The following UNC13C variants were observed in gnomAD, a reference collection of about 807,000 sequenced individuals.
UNC13C encodes protein unc-13 homolog C.
A neutral mutation model predicts 245.4 loss-of-function variants in UNC13C; 174 were observed. That is an observed-to-expected ratio of 0.71 (90% CI 0.63 to 0.80). The LOEUF is 0.80. UNC13C is among the 30% of genes least tolerant of loss of function. UNC13C has a pLI of 0.00. For synonymous variants in UNC13C, 992 were observed against 895.1 expected (o/e 1.11, Z -1.93); for missense variants, 2,829 against 2,602.9 (o/e 1.09, Z -1.89).
chr15:54,395,505 C>A (rs1021908302), intron 18 of UNC13C, among the ~76,000 whole-genome samples: 1 of 151,860 alleles, frequency 6.6e-6, no homozygotes, highest in Non-Finnish European at 1.5e-5. Flanking sequence ...TATTAATAAA[C>A]GATCCCTGTT....
chr15:54,153,116 T>C (rs942725681), intron 4 of UNC13C, among the ~76,000 whole-genome samples: 1 of 152,146 alleles, frequency 6.6e-6, no homozygotes, highest in Non-Finnish European at 1.5e-5. Flanking sequence ...GCTTAATCCA[T>C]ATACTTTCTT....
At chr15:54,196,419 G>A (rs1272539305) in intron 4 of UNC13C, among the ~76,000 whole-genome samples, 1 of 151,884 alleles carries the variant, frequency 6.6e-6, no homozygotes, top group Non-Finnish European at 1.5e-5. Flanking sequence ...GGGACTTTTG[G>A]ATCTATTCCA....
intron 30 of UNC13C, among the ~76,000 whole-genome samples, chr15:54,616,877 G>A (rs966312828): frequency 1.3e-5 from 2 of 151,980 alleles, no homozygotes; most frequent in African/African-American, 4.8e-5. Flanking sequence ...TCCATTCATG[G>A]TAAGGGCCCA....
intron 19 of UNC13C, among the ~76,000 whole-genome samples, chr15:54,467,022 T>A (rs1183218155): frequency 4.0e-5 from 6 of 151,804 alleles, no homozygotes; most frequent in Non-Finnish European, 7.4e-5. Flanking sequence ...TGACTGTGCA[T>A]TAAAATAAAC....
At chr15:54,040,038 T>G (rs532510889) in intron 2 of UNC13C, among the ~76,000 whole-genome samples, 6 of 151,954 alleles carry the variant, frequency 3.9e-5, no homozygotes, top group Non-Finnish European at 7.4e-5. Flanking sequence ...AACCCCTTAC[T>G]GTGGCCTTTA....
chr15:54,001,422 C>A (rs1027535939), intron 1 of UNC13C, among the ~76,000 whole-genome samples: 1 of 152,126 alleles, frequency 6.6e-6, no homozygotes, highest in Admixed American at 6.5e-5. Flanking sequence ...TTTTTATCGT[C>A]CTCACGAACT....
intron 2 of UNC13C, among the ~76,000 whole-genome samples, chr15:54,140,836 A>G (rs2031984356): frequency 6.6e-6 from 1 of 152,028 alleles, no homozygotes; most frequent in Admixed American, 6.6e-5. Flanking sequence ...TAAGAAGGAG[A>G]GTGACATAAT....
At chr15:53,847,071 C>CAACAAT in the UNC13C span, among the ~76,000 whole-genome samples, 1 of 152,014 alleles carries the variant, frequency 6.6e-6, no homozygotes, top group East Asian at 1.9e-4. Flanking sequence ...ATGTCAAGAA[C>CAACAAT]AACAACAACA....
intron 17 of UNC13C, among the ~76,000 whole-genome samples, chr15:54,353,459 C>T (rs2039028383): frequency 6.6e-6 from 1 of 152,084 alleles, no homozygotes; most frequent in African/African-American, 2.4e-5. Context: ...CAAAACAAAA[C>T]ATTATCTTAC....
At chr15:54,107,994 T>C (rs558782198) in intron 2 of UNC13C, among the ~76,000 whole-genome samples, 28 of 152,300 alleles carry the variant, frequency 1.8e-4, no homozygotes, top group Non-Finnish European at 3.1e-4. Context: ...TCTGTGACTT[T>C]GAGGCCACAG....
chr15:54,451,369 T>A lies in UNC13C; in HGVS notation c.4933+36302T>A, dbSNP rs571737702. On this transcript the variant is annotated intron_variant, in intron 19 of 32. Transcript: ENST00000260323. Reference sequence around the variant, plus strand: ...TTTACCTAATATTTTGTTAAATAGGTTTTTTTTATTTTTTGTTCTCCTTCT... The same window carrying A: ...TTTACCTAATATTTTGTTAAATAGGATTTTTTTATTTTTTGTTCTCCTTCT... Among the ~76,000 whole-genome samples the A allele has an allele frequency of 1.6e-4, 24 of 152,068 alleles. No individual in the cohort carries two copies. In the South Asian group the frequency reaches 4.2e-3, roughly 26 times the overall value.
intron 17 of UNC13C, among the ~76,000 whole-genome samples, chr15:54,369,724 A>G (rs2140880443): frequency 6.6e-6 from 1 of 152,296 alleles, no homozygotes. Context: ...TGGATAAACA[A>G]TGAAGAAAAA....
intron 28 of UNC13C, among the ~76,000 whole-genome samples, chr15:54,555,188 A>G (rs1292125789): frequency 6.6e-6 from 1 of 151,998 alleles, no homozygotes; most frequent in Non-Finnish European, 1.5e-5. Context: ...TTAGTTTGCA[A>G]GTGAAAATAA....
At chr15:54,494,496 C>G (rs545740295) in intron 19 of UNC13C, 112 bp from the exon 20 acceptor site, 92 of 1,051,288 alleles carry the variant, frequency 8.8e-5, no homozygotes, top group Non-Finnish European at 1.2e-4. Flanking sequence ...ACCTTTACAT[C>G]TAATATACTA....
chr15:54,050,743 A>T (rs1361470965), intron 2 of UNC13C: 9 of 575,474 alleles, frequency 1.6e-5, no homozygotes, highest in Non-Finnish European at 3.1e-5. Flanking sequence ...GAGTTGTTCC[A>T]CTAGTGAACA....
chr15:53,881,389 T>C, the UNC13C span, among the ~76,000 whole-genome samples: 1 of 152,220 alleles, frequency 6.6e-6, no homozygotes, highest in Non-Finnish European at 1.5e-5. Flanking sequence ...ATGCTTTGTC[T>C]TGCACTGGGA....
At chr15:54,262,635 C>G (rs895615060) in intron 8 of UNC13C, among the ~76,000 whole-genome samples, 11 of 152,098 alleles carry the variant, frequency 7.2e-5, no homozygotes, top group African/African-American at 2.4e-4. Context: ...AGACCATTTA[C>G]AATGTCCTTT....
In UNC13C at chr15:54,274,667, C is replaced by CTTTTTTTTT. The variant is rs10646701; in HGVS notation, c.3818+9185_3818+9193dup. Among the ~76,000 whole-genome samples the CTTTTTTTTT allele has an allele frequency of 5.2e-3, 478 of 91,574 alleles. 34 individuals are homozygous for CTTTTTTTTT. Among genetic ancestry groups the CTTTTTTTTT allele is most frequent in the Middle Eastern group, 8.5e-3 (1 of 118 alleles). 60.1% of individuals were successfully genotyped at this position (91,574 alleles called of 152,430 possible). ...ATGGTTAAAAAGCTAATAAAGTAGA[C>CTTTTTTTTT]TTTTTTTTTTTTTTTTTTTTTTGAG... On this transcript the variant is annotated intron_variant, in intron 10 of 32. Coordinates refer to ENST00000260323, the MANE Select transcript of UNC13C (RefSeq NM_001080534.3).
At chr15:54,548,274 T>G (rs533687816) in intron 27 of UNC13C, among the ~76,000 whole-genome samples, 22 of 132,784 alleles carry the variant, frequency 1.7e-4, no homozygotes, top group Non-Finnish European at 2.8e-4. Context: ...CAGGCTGGAG[T>G]GCAGTGGCGC....
Sources: gnomAD v4.1 joint callset for allele counts (sites outside exome capture counted in the v4.1 genomes callset) on GRCh38, gnomAD v4.1.1 for gene constraint, MANE v1.5 for transcripts, NCBI Gene and HGNC (gene_info 2026-07-23, HGNC 2026-07-21) for gene names.